Variants in MYO5A observed in about 807,000 individuals in gnomAD.
MYO5A encodes the protein myosin VA.
A neutral mutation model predicts 249.7 loss-of-function variants in MYO5A; 98 were observed. That is an observed-to-expected ratio of 0.39 (90% CI 0.33 to 0.46). MYO5A has a LOEUF of 0.46. Among genes scored for constraint, MYO5A ranks in the 20% least tolerant of loss-of-function variants. The pLI, the probability that MYO5A is intolerant of heterozygous loss-of-function variation, is 0.98. For missense variants in MYO5A, 1,696 were observed against 2,308.8 expected, an observed-to-expected ratio of 0.73 and a Z score of 5.44; for synonymous variants, 778 against 810.6, an observed-to-expected ratio of 0.96 and a Z score of 0.68.
At chr15:52,471,617 A>ACACACC (rs2076472992) in intron 1 of MYO5A, among the ~76,000 whole-genome samples, 1 of 151,254 alleles carries the variant, frequency 6.6e-6, no homozygotes, top group Admixed American at 6.6e-5. Context: ...ACACACACAC[A>ACACACC]CACCCCAAAC....
rs551718736 is a variant in MYO5A at position 52,342,652 on chromosome 15, C to T, written c.4040+465G>A. Among the ~76,000 whole-genome samples the T allele has an allele frequency of 4.6e-5, 7 of 152,192 alleles. No individual in the cohort carries two copies. The South Asian group carries it at 1.0e-3, about 23-fold the overall frequency. On this transcript the variant is annotated intron_variant, in intron 31 of 41. Transcript: ENST00000399233. Reference sequence around the variant, plus strand: ...TGTTTGGACCGGGTGTGGTGGCTGACGCCTGTAATCCCAATACTTTGAGAG... The same window carrying T: ...TGTTTGGACCGGGTGTGGTGGCTGATGCCTGTAATCCCAATACTTTGAGAG...
At chr15:52,435,779 C>T (rs1213811648) in intron 1 of MYO5A, 3 of 398,832 alleles carry the variant, frequency 7.5e-6, no homozygotes, top group East Asian at 7.3e-5. Context: ...GCAGCACTTA[C>T]AGACAAGTAG....
chr15:52,348,778 A>C (rs1456114160), intron 29 of MYO5A, 40 bp downstream of exon 29: 1 of 1,453,610 alleles, frequency 6.9e-7, no homozygotes, highest in Admixed American at 2.1e-5. Context: ...GTTAGGATTA[A>C]ATAGAAGTAT....
intron 14 of MYO5A, among the ~76,000 whole-genome samples, chr15:52,385,087 G>C (rs1192200624): frequency 6.6e-6 from 1 of 152,156 alleles, no homozygotes; most frequent in Non-Finnish European, 1.5e-5. Context: ...GATGATATTA[G>C]TCAATATGGT....
intron 1 of MYO5A, among the ~76,000 whole-genome samples, chr15:52,514,056 T>C (rs148735188): frequency 2.0e-5 from 3 of 152,228 alleles, no homozygotes; most frequent in Admixed American, 2.0e-4. Flanking sequence ...GAAGAGTTAC[T>C]GATAAATAAA....
chr15:52,493,336 C>T (rs948224216), intron 1 of MYO5A, among the ~76,000 whole-genome samples: 1 of 152,172 alleles, frequency 6.6e-6, no homozygotes, highest in African/African-American at 2.4e-5. Flanking sequence ...AGCACATTAA[C>T]AAAGAATGGA....
chr15:52,398,524 G>C (rs2042587877), intron 9 of MYO5A, among the ~76,000 whole-genome samples: 1 of 151,900 alleles, frequency 6.6e-6, no homozygotes, highest in Admixed American at 6.6e-5. Context: ...TTAGAACCTG[G>C]GTCTCCTTGA....
chr15:52,321,604 C>T, intron 37 of MYO5A, 95 bp from the exon 38 acceptor site: 1 of 1,389,706 alleles, frequency 7.2e-7, no homozygotes, highest in South Asian at 1.2e-5. Context: ...ATGCTCTTTT[C>T]TGCTCTGTCC....
intron 29 of MYO5A, among the ~76,000 whole-genome samples, chr15:52,347,304 C>A (rs548859293): frequency 6.6e-6 from 1 of 152,228 alleles, no homozygotes; most frequent in Admixed American, 6.5e-5. Context: ...TGTAACAAAC[C>A]TGTATATTCA....
intron 14 of MYO5A, 138 bp from the exon 15 acceptor site, chr15:52,384,460 G>C: frequency 1.1e-6 from 1 of 874,642 alleles, no homozygotes; most frequent in Non-Finnish European, 1.8e-6. Flanking sequence ...CAGTATCTGT[G>C]CTAAGAGCCA....
Position 52,312,678 on chromosome 15 carries a change from TAAG to T in MYO5A, c.*1015_*1017del, listed in dbSNP as rs1358366749. The T allele has an allele frequency of 9.2e-5, 14 of 152,134 alleles. No homozygotes were observed. The highest frequency in any genetic ancestry group is 3.4e-4 in the African/African-American group (14 of 41,408). 9.4% of individuals were successfully genotyped at this position (152,134 alleles called of 1,614,324 possible). A position where few individuals can be genotyped will look rare whatever the true frequency, so the allele number is the denominator to read the frequency against. Reference sequence around the variant, plus strand: ...CAGCCGAGATTAATTCTTAATAAATTAAGAAGAGAGAAAACCTGTCAAGGTTGA... The same window carrying T: ...CAGCCGAGATTAATTCTTAATAAATTAAGAGAGAAAACCTGTCAAGGTTGA... On this transcript the variant is annotated 3_prime_UTR_variant, in exon 42 of 42. Transcript: ENST00000399233.
intron 6 of MYO5A, among the ~76,000 whole-genome samples, chr15:52,409,959 A>C (rs2043178607): frequency 6.6e-6 from 1 of 152,218 alleles, no homozygotes; most frequent in South Asian, 2.1e-4. Context: ...GAAAGAGGAC[A>C]AGATAATTTT....
chr15:52,508,585 T>A (rs2077323368), intron 1 of MYO5A, among the ~76,000 whole-genome samples: 2 of 152,174 alleles, frequency 1.3e-5, no homozygotes. Context: ...AGGCATACCA[T>A]TGGTTCCCTG....
At chr15:52,505,177 AC>A (rs886967932) in intron 1 of MYO5A, 2 of 755,614 alleles carry the variant, frequency 2.6e-6, no homozygotes, top group Admixed American at 1.8e-5. Flanking sequence ...ACTCTCAGAT[AC>A]AGCCAAAGCC....
chr15:52,518,407 T>C (rs2077540656), intron 1 of MYO5A, among the ~76,000 whole-genome samples: 1 of 152,180 alleles, frequency 6.6e-6, no homozygotes, highest in African/African-American at 2.4e-5. Flanking sequence ...GGGCTTAACA[T>C]TTTCATTTCT....
Position 52,320,639 on chromosome 15 carries a change from A to T in MYO5A, c.4951+720T>A, listed in dbSNP as rs149067453. Among the ~76,000 whole-genome samples, 957 of 152,300 alleles carry T rather than the reference A, an allele frequency of 6.3e-3. 6 individuals are homozygous for T. Among genetic ancestry groups the T allele is most frequent in the Admixed American group, 0.013 (200 of 15,306 alleles). On this transcript the variant is annotated intron_variant, in intron 38 of 41. Transcript: ENST00000399233. ...AAAGCAAAGGGAACACTATGAGCCC[A>T]CAGAAGGGAAATGAAGAAGTTGTGG...
chr15:52,322,358 G>A (rs530809009), intron 37 of MYO5A, among the ~76,000 whole-genome samples: 2 of 152,324 alleles, frequency 1.3e-5, no homozygotes, highest in South Asian at 4.1e-4. Flanking sequence ...AGTGCCGCTG[G>A]GCACCTTCTC....
At chr15:52,321,050 GA>G (rs910863398) in intron 38 of MYO5A, among the ~76,000 whole-genome samples, 3 of 151,850 alleles carry the variant, frequency 2.0e-5, no homozygotes, top group African/African-American at 7.3e-5. Flanking sequence ...TAATTTGCTG[GA>G]AGATAACAAT....
chr15:52,328,098 G>T (rs1179817855), intron 35 of MYO5A, 92 bp from the exon 36 acceptor site: 7 of 1,056,510 alleles, frequency 6.6e-6, no homozygotes, highest in Non-Finnish European at 7.1e-6. Flanking sequence ...TCATGTAAGA[G>T]TTCAATCATT....
Sources: allele counts gnomAD v4.1 joint callset (sites outside exome capture counted in the v4.1 genomes callset), GRCh38; gene constraint gnomAD v4.1.1; transcripts MANE v1.5; gene names NCBI Gene and HGNC (gene_info 2026-07-23, HGNC 2026-07-21).